The following PAK1 variants were observed in gnomAD, a reference collection of about 807,000 sequenced individuals.
PAK1 encodes the protein serine/threonine-protein kinase PAK 1.
Under a neutral mutation model 67.4 loss-of-function variants are expected in PAK1, and 29 were observed. That is an observed-to-expected ratio of 0.43 (90% confidence interval 0.32 to 0.59). The LOEUF (loss-of-function observed/expected upper bound fraction) is 0.59. Ranked by LOEUF, PAK1 falls within the 20% of genes least tolerant of loss-of-function variation. PAK1 has a pLI of 0.07. For synonymous variants in PAK1, 223 were observed against 237.4 expected (o/e 0.94, Z 0.56); for missense variants, 337 against 670.7 (o/e 0.50, Z 5.50).
Position 77,429,056 on chromosome 11 carries a change from T to TAAAAAAAAAAAAAAAAAAAAAAAAAAAA in PAK1, c.-21-36543_-21-36516dup, listed in dbSNP as rs566874549. 4.5e-4 allele frequency among the ~76,000 whole-genome samples: 22 copies of TAAAAAAAAAAAAAAAAAAAAAAAAAAAA among 48,990 alleles called. 3 individuals are homozygous for TAAAAAAAAAAAAAAAAAAAAAAAAAAAA. The highest frequency in any genetic ancestry group is 1.8e-3 in the Admixed American group (6 of 3,422). The allele number at this position is 48,990 out of a possible 152,430, so 32.1% of individuals were successfully genotyped here. On this transcript the variant is annotated intron_variant, in intron 1 of 14. Transcript: ENST00000356341. ...TTGGATTCTAAATGCCATTTAATACTAAAAAAAAAAAAAAAAAAAAAAAAA... is the reference window on the plus strand; with the variant it reads ...TTGGATTCTAAATGCCATTTAATACTAAAAAAAAAAAAAAAAAAAAAAAAAAAAAAAAAAAAAAAAAAAAAAAAAAAAA...
At chr11:77,441,911 T>C (rs1161593662) in intron 1 of PAK1, among the ~76,000 whole-genome samples, 10 of 152,180 alleles carry the variant, frequency 6.6e-5, no homozygotes, top group Non-Finnish European at 1.2e-4. Context: ...AGAAATCTTC[T>C]TGTGTTCCCG....
intron 2 of PAK1, among the ~76,000 whole-genome samples, chr11:77,386,599 T>C (rs1424217641): frequency 6.6e-6 from 1 of 152,120 alleles, no homozygotes; most frequent in Non-Finnish European, 1.5e-5. Context: ...GAGGTCAGCA[T>C]TAGGTAATGC....
intron 5 of PAK1, among the ~76,000 whole-genome samples, chr11:77,372,292 A>C (rs1467020067): frequency 6.6e-6 from 1 of 152,286 alleles, no homozygotes; most frequent in Non-Finnish European, 1.5e-5. Context: ...CATCTCTTCT[A>C]TTTGATGAAA....
the PAK1 span, among the ~76,000 whole-genome samples, chr11:77,509,419 A>G: frequency 2.6e-5 from 4 of 152,254 alleles, no homozygotes; most frequent in Non-Finnish European, 5.9e-5. Context: ...TGATGTTCAT[A>G]AACAAACACT....
intron 6 of PAK1, among the ~76,000 whole-genome samples, chr11:77,358,568 T>TG (rs1229979335): frequency 6.6e-6 from 1 of 152,196 alleles, no homozygotes; most frequent in African/African-American, 2.4e-5. Flanking sequence ...CCCTGGAGAC[T>TG]GGAATAATTT....
At chr11:77,326,431 T>A (rs938540881) in intron 14 of PAK1, among the ~76,000 whole-genome samples, 1 of 152,184 alleles carries the variant, frequency 6.6e-6, no homozygotes, top group Non-Finnish European at 1.5e-5. Flanking sequence ...TGGTGGCTGA[T>A]GCCATGCCTG....
chr11:77,419,737 G>A lies in PAK1; in HGVS notation c.-21-27196C>T, dbSNP rs376116120. 2.6e-5 allele frequency among the ~76,000 whole-genome samples: 4 copies of A among 152,298 alleles called. No individual in the cohort carries two copies. The South Asian group carries it at 6.2e-4, about 24-fold the overall frequency. ...TGACACAACCAGTTAAATGTACAAG[G>A]AAATCAGTCAACAATGATGATGTTG... On this transcript the variant is annotated intron_variant, in intron 1 of 14. Transcript: ENST00000356341.
chr11:77,344,634 T>C (rs1395706591), intron 9 of PAK1, among the ~76,000 whole-genome samples: 1 of 152,204 alleles, frequency 6.6e-6, no homozygotes, highest in Non-Finnish European at 1.5e-5. Context: ...GTGTGCTAAA[T>C]ATTACTAATG....
chr11:77,392,490 T>C lies in PAK1; in HGVS notation c.31A>G (p.Lys11Glu), dbSNP rs1323346373. 6.2e-7 allele frequency: 1 copy of C among 1,611,704 alleles called. No individual in the cohort carries two copies. The highest frequency in any genetic ancestry group is 1.1e-5 in the South Asian group (1 of 90,756). The stretch of plus-strand genomic sequence containing the variant: ...TTTCTCATCGGAGGGGCTGGGGGTT[T>C]GTCTTGAATGTCTAGGCCGTTATTT... MSNNGLDIQD[K>E]PPAPPMRNTS... Residue 11 changes from lysine to glutamate, a missense_variant, in exon 2 of 15, where the codon AAA becomes GAA. Coordinates refer to ENST00000356341, the MANE Select transcript of PAK1 (RefSeq NM_002576.5).
At chr11:77,349,803 T>TG (rs1281425131) in intron 8 of PAK1, among the ~76,000 whole-genome samples, 11 of 150,470 alleles carry the variant, frequency 7.3e-5, no homozygotes, top group East Asian at 2.0e-4. Context: ...GATTTTCAAC[T>TG]GGGGGGGTGA....
chr11:77,512,224 G>A, the PAK1 span, among the ~76,000 whole-genome samples: 6 of 152,224 alleles, frequency 3.9e-5, 1 homozygote, highest in South Asian at 1.2e-3. Flanking sequence ...GCTGGTCACC[G>A]AAGCAGTTCC....
the PAK1 span, among the ~76,000 whole-genome samples, chr11:77,485,536 C>T: frequency 0.014 from 2,076 of 152,134 alleles, 22 homozygotes; most frequent in Non-Finnish European, 0.021. Flanking sequence ...AGTGCAATGG[C>T]GCAATCTCAG....
chr11:77,457,235 G>C (rs1037180551), intron 1 of PAK1, among the ~76,000 whole-genome samples: 5 of 152,146 alleles, frequency 3.3e-5, no homozygotes, highest in African/African-American at 1.2e-4. Context: ...TTACAGCCTT[G>C]TTGAAATGTG....
At chr11:77,498,672 T>A in the PAK1 span, among the ~76,000 whole-genome samples, 1 of 150,224 alleles carries the variant, frequency 6.7e-6, no homozygotes, top group Admixed American at 6.7e-5. Flanking sequence ...TAATTGTATT[T>A]TTAACACCCT....
intron 8 of PAK1, among the ~76,000 whole-genome samples, chr11:77,350,384 T>C (rs767351910): frequency 6.6e-6 from 1 of 152,116 alleles, no homozygotes; most frequent in Non-Finnish European, 1.5e-5. Context: ...ATATACACAT[T>C]CATATATACA....
chr11:77,431,843 T>C (rs10501425), intron 1 of PAK1, among the ~76,000 whole-genome samples: 2 of 152,158 alleles, frequency 1.3e-5, no homozygotes, highest in Non-Finnish European at 2.9e-5. Context: ...AGAAAGGATA[T>C]ACCTGAAGTC....
intron 1 of PAK1, among the ~76,000 whole-genome samples, chr11:77,431,612 C>T (rs183648625): frequency 1.6e-4 from 25 of 152,194 alleles, no homozygotes; most frequent in Non-Finnish European, 2.8e-4. Flanking sequence ...TTAAGGCCAA[C>T]GAAGAAAGAA....
chr11:77,329,483 G>A (rs1202384536), intron 14 of PAK1, among the ~76,000 whole-genome samples: 4 of 152,128 alleles, frequency 2.6e-5, no homozygotes, highest in African/African-American at 9.7e-5. Context: ...TTCAACATAC[G>A]CAAATCAATA....
At chr11:77,459,747 C>A (rs1478171439) in intron 1 of PAK1, among the ~76,000 whole-genome samples, 1 of 146,042 alleles carries the variant, frequency 6.8e-6, no homozygotes, top group Non-Finnish European at 1.5e-5. Flanking sequence ...GGCCGGACTG[C>A]AGTGGCGCGA....
Sources: gnomAD v4.1 joint callset for allele counts (sites outside exome capture counted in the v4.1 genomes callset) on GRCh38, gnomAD v4.1.1 for gene constraint, MANE v1.5 for transcripts, NCBI Gene and HGNC (gene_info 2026-07-23, HGNC 2026-07-21) for gene names.